The following DOCK3 variants were observed in gnomAD, a reference collection of about 807,000 sequenced individuals.
DOCK3 encodes the protein dedicator of cytokinesis protein 3.
Under a neutral mutation model 265.6 loss-of-function variants are expected in DOCK3, and 60 were observed. That is an observed-to-expected ratio of 0.23 (90% CI 0.18 to 0.28). DOCK3 has a LOEUF of 0.28. DOCK3 is among the 10% of genes least tolerant of loss of function. The probability of loss-of-function intolerance (pLI) is 1.00; values close to 1 mark genes in which losing one functional copy is unlikely to be tolerated. For synonymous variants in DOCK3, 881 were observed against 938.0 expected, an observed-to-expected ratio of 0.94 and a Z score of 1.11; for missense variants, 1,981 against 2,594.3, an observed-to-expected ratio of 0.76 and a Z score of 5.14.
chr3:51,337,951 G>T (rs1242468972), intron 35 of DOCK3, among the ~76,000 whole-genome samples: 1 of 152,160 alleles, frequency 6.6e-6, no homozygotes, highest in Non-Finnish European at 1.5e-5. Context: ...TGAAGTGGAG[G>T]GTCTTGGCTT....
intron 10 of DOCK3, among the ~76,000 whole-genome samples, chr3:51,158,960 A>G (rs1220398708): frequency 6.6e-6 from 1 of 152,226 alleles, no homozygotes; most frequent in Non-Finnish European, 1.5e-5. Context: ...GAATAAGGCG[A>G]TATCATGAAG....
At chr3:50,695,560 C>G (rs887436812) in intron 1 of DOCK3, among the ~76,000 whole-genome samples, 2 of 152,182 alleles carry the variant, frequency 1.3e-5, no homozygotes, top group African/African-American at 4.8e-5. Context: ...TAGACCTAGT[C>G]CAGTTTCTGT....
intron 5 of DOCK3, among the ~76,000 whole-genome samples, chr3:50,948,576 C>A (rs1001280958): frequency 6.6e-6 from 1 of 151,328 alleles, no homozygotes; most frequent in Non-Finnish European, 1.5e-5. Context: ...CTTTTCTCTT[C>A]TTTTTCTTTT....
At chr3:51,290,576 C>T (rs2081682704) in intron 27 of DOCK3, among the ~76,000 whole-genome samples, 1 of 151,860 alleles carries the variant, frequency 6.6e-6, no homozygotes, top group Non-Finnish European at 1.5e-5. Flanking sequence ...AGGAGATATA[C>T]CTAGTGTAAA....
chr3:51,330,568 TG>T (rs1254369247), intron 33 of DOCK3, among the ~76,000 whole-genome samples: 2 of 152,150 alleles, frequency 1.3e-5, no homozygotes, highest in Non-Finnish European at 2.9e-5. Context: ...CATTTCAAGG[TG>T]GGGGATAAAT....
At chr3:51,378,966 C>T (rs931722451) in intron 51 of DOCK3, among the ~76,000 whole-genome samples, 2 of 152,208 alleles carry the variant, frequency 1.3e-5, no homozygotes, top group Non-Finnish European at 2.9e-5. Flanking sequence ...AGCAGTGGGT[C>T]CAGCTGGATC....
At chr3:51,287,302 A>G (rs781269567) in intron 27 of DOCK3, among the ~76,000 whole-genome samples, 5 of 152,164 alleles carry the variant, frequency 3.3e-5, no homozygotes, top group Non-Finnish European at 7.3e-5. Context: ...AGTCAAAAAA[A>G]TATTGGGAGG....
chr3:51,111,288 T>C (rs554063021), intron 9 of DOCK3, among the ~76,000 whole-genome samples: 1 of 152,190 alleles, frequency 6.6e-6, no homozygotes, highest in South Asian at 2.1e-4. Flanking sequence ...GGAGACATCA[T>C]GCTACTCTAC....
At chr3:50,775,079 A>G (rs1034648549) in intron 1 of DOCK3, among the ~76,000 whole-genome samples, 3 of 151,758 alleles carry the variant, frequency 2.0e-5, no homozygotes, top group African/African-American at 7.3e-5. Flanking sequence ...AAATGTTTTT[A>G]TTTATATTAA....
intron 9 of DOCK3, among the ~76,000 whole-genome samples, chr3:51,099,062 T>C (rs1362056365): frequency 3.3e-5 from 5 of 152,254 alleles, no homozygotes; most frequent in Admixed American, 6.5e-5. Flanking sequence ...CTGCTAAGTT[T>C]TTCATCAGTA....
At chr3:51,289,631 A>AC in intron 27 of DOCK3, among the ~76,000 whole-genome samples, 1 of 148,092 alleles carries the variant, frequency 6.8e-6, no homozygotes, top group South Asian at 2.1e-4. Context: ...TCCTGAATGG[A>AC]TTTTTTTTTT....
chr3:51,067,498 G>A (rs1223738010), intron 6 of DOCK3, among the ~76,000 whole-genome samples: 1 of 148,952 alleles, frequency 6.7e-6, no homozygotes, highest in African/African-American at 2.5e-5. Flanking sequence ...ATCTTAATAA[G>A]CAAAAATGAA....
chr3:51,080,863 G>T (rs1425212006), intron 7 of DOCK3, among the ~76,000 whole-genome samples: 1 of 151,530 alleles, frequency 6.6e-6, no homozygotes, highest in Non-Finnish European at 1.5e-5. Context: ...GATATGGTCA[G>T]TAAACCACAG....
At chr3:51,086,840 T>G (rs2082445792) in intron 7 of DOCK3, among the ~76,000 whole-genome samples, 1 of 152,014 alleles carries the variant, frequency 6.6e-6, no homozygotes, top group South Asian at 2.1e-4. Flanking sequence ...GAGACTACTA[T>G]GAACAATTAT....
intron 5 of DOCK3, among the ~76,000 whole-genome samples, chr3:51,059,734 C>A (rs150385903): frequency 6.6e-6 from 1 of 152,110 alleles, no homozygotes; most frequent in East Asian, 1.9e-4. Flanking sequence ...ATTACCAGAT[C>A]TACCAGCTAC....
chr3:50,841,738 C>CTTTTT (rs773340220), intron 3 of DOCK3, 23 bp downstream of exon 3: 2 of 536,468 alleles, frequency 3.7e-6, no homozygotes, highest in Non-Finnish European at 6.0e-6. Flanking sequence ...TTATTGTTAC[C>CTTTTT]TTTTCTAATG....
chr3:51,300,495 G>A (rs1446897639), intron 27 of DOCK3, among the ~76,000 whole-genome samples: 3 of 152,200 alleles, frequency 2.0e-5, no homozygotes, highest in Non-Finnish European at 2.9e-5. Context: ...CAAGGGGAAT[G>A]CTTCCAGCTT....
intron 4 of DOCK3, among the ~76,000 whole-genome samples, chr3:50,918,536 C>T (rs1281019262): frequency 1.3e-5 from 2 of 152,048 alleles, no homozygotes; most frequent in South Asian, 2.1e-4. Flanking sequence ...TTTCATGTGT[C>T]TGTTGACTGC....
At chr3:50,885,770 T>TA (rs2048296577) in intron 3 of DOCK3, among the ~76,000 whole-genome samples, 2 of 152,090 alleles carry the variant, frequency 1.3e-5, no homozygotes, top group African/African-American at 4.8e-5. Flanking sequence ...AGCCACCTCT[T>TA]ACGTTACCCC....
Sources: allele counts gnomAD v4.1 joint callset (sites outside exome capture counted in the v4.1 genomes callset), GRCh38; gene constraint gnomAD v4.1.1; transcripts MANE v1.5; gene names NCBI Gene and HGNC (gene_info 2026-07-23, HGNC 2026-07-21).